Variants in PCDH11X observed in about 807,000 individuals in gnomAD.
PCDH11X encodes protocadherin-11 X-linked.
In PCDH11X, 18 loss-of-function variants were observed where a neutral mutation model predicts 53.3. The ratio of observed to expected loss-of-function variants is 0.34; its 90% CI spans 0.23 to 0.50. PCDH11X has a LOEUF of 0.50. PCDH11X is among the 20% of genes least tolerant of loss of function. The probability of loss-of-function intolerance (pLI) is 0.98; values close to 1 mark genes in which losing one functional copy is unlikely to be tolerated. For synonymous variants in PCDH11X, 279 were observed against 393.3 expected (o/e 0.71, Z 3.44); for missense variants, 570 against 1,032.4 (o/e 0.55, Z 6.14).
intron 5 of PCDH11X, among the ~76,000 whole-genome samples, chrX:91,853,139 A>G (rs1259826514): frequency 9.1e-6 from 1 of 109,369 alleles, no homozygotes; most frequent in Non-Finnish European, 1.9e-5. Flanking sequence ...ATAATATGTT[A>G]TAATTTATCG....
At chrX:91,843,860 C>A (rs2147639533) in intron 5 of PCDH11X, among the ~76,000 whole-genome samples, 1 of 111,443 alleles carries the variant, frequency 9.0e-6, no homozygotes, top group Admixed American at 9.6e-5. Flanking sequence ...GGAAATAAAA[C>A]CTTTTGATGA....
chrX:91,791,314 A>G (rs1364157566), intron 1 of PCDH11X, among the ~76,000 whole-genome samples: 1 of 110,698 alleles, frequency 9.0e-6, no homozygotes, highest in Non-Finnish European at 1.9e-5. Context: ...TCACAGTTCT[A>G]CAGGCTGTAT....
chrX:91,936,709 G>A (rs1263711100), intron 6 of PCDH11X, among the ~76,000 whole-genome samples: 1 of 105,951 alleles, frequency 9.4e-6, no homozygotes, highest in Non-Finnish European at 1.9e-5. Flanking sequence ...TTTAAGTTTA[G>A]CTATAGGCAA....
chrX:92,477,986 G>A (rs1448963042), intron 10 of PCDH11X, among the ~76,000 whole-genome samples: 1 of 108,780 alleles, frequency 9.2e-6, no homozygotes, highest in Non-Finnish European at 1.9e-5. Flanking sequence ...TAATCTCCAT[G>A]TGTCAAGGGA....
rs373813369 is a variant in PCDH11X at position 92,609,845 on chromosome X, C to T, written c.3368-8419C>T. Among the ~76,000 whole-genome samples the T allele has an allele frequency of 6.7e-4, 74 of 111,167 alleles. No individual in the cohort carries two copies. The South Asian group carries it at 0.025, about 38-fold the overall frequency. ...GCTTCCACTTATAAGGGAGAACATG[C>T]GATATTTGGCTTTCTGTTGCTGTGT... On this transcript the variant is annotated intron_variant, in intron 10 of 10. Coordinates refer to ENST00000682573, the MANE Select transcript of PCDH11X (RefSeq NM_032968.5).
chrX:92,535,352 T>C (rs1331192875), intron 10 of PCDH11X, among the ~76,000 whole-genome samples: 1 of 111,358 alleles, frequency 9.0e-6, no homozygotes, highest in Non-Finnish European at 1.9e-5. Flanking sequence ...TAAAAAAGAA[T>C]GAGGTCATGT....
intron 9 of PCDH11X, among the ~76,000 whole-genome samples, chrX:92,467,541 A>ATATTTGGC (rs1315538677): frequency 9.0e-6 from 1 of 111,241 alleles, no homozygotes; most frequent in Non-Finnish European, 1.9e-5. Flanking sequence ...AGATCAATAC[A>ATATTTGGC]TATTTGGCTG....
At chrX:91,938,879 A>C in intron 6 of PCDH11X, among the ~76,000 whole-genome samples, 1 of 111,138 alleles carries the variant, frequency 9.0e-6, no homozygotes, top group Non-Finnish European at 1.9e-5. Context: ...CTTTTGAAGT[A>C]ACTTATATTC....
At chrX:92,249,212 T>C (rs963491982) in intron 7 of PCDH11X, among the ~76,000 whole-genome samples, 12 of 111,538 alleles carry the variant, frequency 1.1e-4, no homozygotes, top group Non-Finnish European at 2.1e-4. Context: ...AATGCTTTCC[T>C]TCTAGTAAAT....
intron 6 of PCDH11X, among the ~76,000 whole-genome samples, chrX:91,997,419 T>C (rs2062438660): frequency 9.0e-6 from 1 of 111,700 alleles, no homozygotes; most frequent in African/African-American, 3.2e-5. Flanking sequence ...TTGAAAGTTT[T>C]TAATGATAAA....
chrX:92,246,699 TA>T (rs2067359012), intron 7 of PCDH11X, among the ~76,000 whole-genome samples: 1 of 111,614 alleles, frequency 9.0e-6, no homozygotes, highest in Non-Finnish European at 1.9e-5. Flanking sequence ...TTTTGGCAAA[TA>T]GTAGAAATCT....
chrX:92,350,567 G>A (rs1205234182), intron 8 of PCDH11X, among the ~76,000 whole-genome samples: 1 of 111,637 alleles, frequency 9.0e-6, no homozygotes, highest in Non-Finnish European at 1.9e-5. Flanking sequence ...CCGTCTTCAC[G>A]TCTCTTAGCT....
intron 10 of PCDH11X, among the ~76,000 whole-genome samples, chrX:92,589,018 G>T (rs1469257292): frequency 9.0e-6 from 1 of 111,251 alleles, no homozygotes; most frequent in Non-Finnish European, 1.9e-5. Context: ...AGACAAATTT[G>T]AAGTGCTAAC....
chrX:92,429,864 A>G (rs1200706920), intron 9 of PCDH11X, among the ~76,000 whole-genome samples: 7 of 98,335 alleles, frequency 7.1e-5, no homozygotes, highest in Non-Finnish European at 8.4e-5. Flanking sequence ...AAGTTTTCTT[A>G]AAACTTCTAG....
intron 8 of PCDH11X, among the ~76,000 whole-genome samples, chrX:92,355,938 T>C (rs2148533216): frequency 9.0e-6 from 1 of 111,404 alleles, no homozygotes; most frequent in Admixed American, 9.6e-5. Flanking sequence ...AAAACCACTT[T>C]AAATGATGTT....
chrX:92,528,195 T>C (rs1374607625), intron 10 of PCDH11X, among the ~76,000 whole-genome samples: 1 of 112,646 alleles, frequency 8.9e-6, no homozygotes, highest in Non-Finnish European at 1.9e-5. Flanking sequence ...GAAGATTTAG[T>C]TTAAGAAAAT....
chrX:92,610,818 G>T (rs1602444433), intron 10 of PCDH11X, among the ~76,000 whole-genome samples: 2 of 110,987 alleles, frequency 1.8e-5, no homozygotes, highest in East Asian at 5.7e-4. Context: ...CATGTGGCTA[G>T]TCAACTGTCC....
chrX:92,027,666 A>G (rs1214550608), intron 6 of PCDH11X, among the ~76,000 whole-genome samples: 1 of 99,587 alleles, frequency 1.0e-5, no homozygotes, highest in African/African-American at 3.7e-5. Context: ...TATAAAATAC[A>G]TATAATATTG....
intron 6 of PCDH11X, among the ~76,000 whole-genome samples, chrX:92,010,725 A>AT (rs200421427): frequency 7.2e-4 from 78 of 108,306 alleles, no homozygotes; most frequent in Non-Finnish European, 7.9e-4. Flanking sequence ...CACAATCACT[A>AT]TTTTTTTTTC....
Sources: allele counts gnomAD v4.1 joint callset (sites outside exome capture counted in the v4.1 genomes callset), GRCh38; gene constraint gnomAD v4.1.1; transcripts MANE v1.5; gene names NCBI Gene and HGNC (gene_info 2026-07-23, HGNC 2026-07-21).